The following PALS2 variants were observed in gnomAD, a reference collection of about 807,000 sequenced individuals.
PALS2 encodes the protein protein PALS2.
PALS2 carries 27 observed loss-of-function variants against 61.6 expected under a neutral mutation model. That is an observed-to-expected ratio of 0.44 (90% confidence interval 0.32 to 0.60). PALS2 has a LOEUF of 0.60. Among genes scored for constraint, PALS2 ranks in the 20% least tolerant of loss-of-function variants. The pLI is 0.05. For missense variants in PALS2, 554 were observed against 639.4 expected (o/e 0.87, Z 1.44); for synonymous variants, 236 against 218.6 (o/e 1.08, Z -0.70).
chr7:24,665,089 G>A (rs1786945516), intron 6 of PALS2, among the ~76,000 whole-genome samples: 11 of 152,136 alleles, frequency 7.2e-5, no homozygotes, highest in Admixed American at 7.2e-4. Flanking sequence ...ATTAGGTGAA[G>A]TTTCGCCTAG....
chr7:24,655,233 C>T (rs941739505), intron 5 of PALS2, among the ~76,000 whole-genome samples: 1 of 152,158 alleles, frequency 6.6e-6, no homozygotes, highest in Non-Finnish European at 1.5e-5. Context: ...TAGAGCAATT[C>T]TTACGTATGT....
chr7:24,596,968 G>A lies in PALS2; in HGVS notation c.-3+23375G>A, dbSNP rs182411999. ...AAGTAGAATGAAAAGATTTGAAGAA[G>A]AATTAGATGTCTGGAGGTTAGGGAG... On this transcript the variant is annotated intron_variant, in intron 1 of 11. Coordinates refer to ENST00000222644, the MANE Select transcript of PALS2 (RefSeq NM_001303037.2). The surrounding 1 kb of genome is among the most constrained non-coding windows in gnomAD (Gnocchi z 4.5). Among the ~76,000 whole-genome samples the A allele has an allele frequency of 3.3e-5, 5 of 152,214 alleles. No individual in the cohort carries two copies. The East Asian group carries it at 7.7e-4, about 24-fold the overall frequency.
intron 1 of PALS2, among the ~76,000 whole-genome samples, chr7:24,615,255 C>G (rs1784251899): frequency 6.6e-6 from 1 of 151,482 alleles, no homozygotes; most frequent in Non-Finnish European, 1.5e-5. Context: ...AAACCAAACT[C>G]AAAGGTAGTG....
intron 9 of PALS2, 40 bp from the exon 10 acceptor site, chr7:24,679,091 A>C (rs722218): frequency 0.55 from 869,558 of 1,583,822 alleles, 253,671 homozygotes; most frequent in East Asian, 0.99. Flanking sequence ...TTATGCCCTA[A>C]AATTTCTTTG....
intron 1 of PALS2, among the ~76,000 whole-genome samples, chr7:24,600,117 A>G (rs1243596274): frequency 2.0e-5 from 3 of 152,174 alleles, no homozygotes; most frequent in Non-Finnish European, 4.4e-5. Flanking sequence ...TTTTCATCAT[A>G]GATTTGCTTG....
chr7:24,687,361 T>C lies in PALS2; in HGVS notation c.1447-77T>C. On this transcript the variant is annotated intron_variant, in intron 11 of 11. Coordinates refer to ENST00000222644, the MANE Select transcript of PALS2 (RefSeq NM_001303037.2). The surrounding 1 kb of genome is among the most constrained non-coding windows in gnomAD (Gnocchi z 4.5). ...AGAAATATATCTAACCTATTTATTA[T>C]ATTCACTTCTAGTTGGAGTTTGAGC... 1 of 1,072,786 alleles carries C rather than the reference T, an allele frequency of 9.3e-7. No homozygotes were observed. 66.5% of individuals were successfully genotyped at this position (1,072,786 alleles called of 1,614,324 possible).
intron 5 of PALS2, among the ~76,000 whole-genome samples, chr7:24,659,199 A>T (rs139357930): frequency 6.6e-6 from 1 of 152,168 alleles, no homozygotes; most frequent in Admixed American, 6.5e-5. Flanking sequence ...TTATGGCTGC[A>T]TAGTATTCCA....
At chr7:24,588,337 C>T (rs1048308162) in intron 1 of PALS2, among the ~76,000 whole-genome samples, 1 of 152,154 alleles carries the variant, frequency 6.6e-6, no homozygotes, top group African/African-American at 2.4e-5. Flanking sequence ...TTCAATTAGA[C>T]AAATATTTCT....
intron 1 of PALS2, among the ~76,000 whole-genome samples, chr7:24,601,098 T>G (rs1285315723): frequency 6.6e-6 from 1 of 152,198 alleles, no homozygotes; most frequent in East Asian, 1.9e-4. Context: ...CTTATGTTGC[T>G]AATTCTTATT....
intron 1 of PALS2, among the ~76,000 whole-genome samples, chr7:24,584,982 G>A (rs1023172909): frequency 2.0e-5 from 3 of 151,486 alleles, no homozygotes; most frequent in South Asian, 2.1e-4. Context: ...TAGATATGTG[G>A]CATTATTTCT....
chr7:24,645,213 A>T (rs1417770668), intron 3 of PALS2, among the ~76,000 whole-genome samples: 1 of 151,968 alleles, frequency 6.6e-6, no homozygotes, highest in Non-Finnish European at 1.5e-5. Flanking sequence ...GACCATTCCT[A>T]TGGCCAGGAT....
chr7:24,599,505 CTTTTTTT>C (rs1159029178), intron 1 of PALS2, among the ~76,000 whole-genome samples: 2 of 116,612 alleles, frequency 1.7e-5, no homozygotes, highest in African/African-American at 6.9e-5. Flanking sequence ...CTTCTATAAG[CTTTTTTT>C]TTTTTTTTTT....
intron 9 of PALS2, among the ~76,000 whole-genome samples, chr7:24,678,902 TACTA>T (rs1421616994): frequency 2.0e-5 from 3 of 152,168 alleles, no homozygotes; most frequent in Non-Finnish European, 4.4e-5. Flanking sequence ...CTGTCACAAT[TACTA>T]CCACCATTTT....
chr7:24,631,355 G>A (rs1216934250), intron 2 of PALS2, among the ~76,000 whole-genome samples: 1 of 152,172 alleles, frequency 6.6e-6, no homozygotes, highest in African/African-American at 2.4e-5. Context: ...ACAAGAATTA[G>A]AAGTGGAACC....
intron 1 of PALS2, among the ~76,000 whole-genome samples, chr7:24,590,065 C>A (rs1783225226): frequency 6.6e-6 from 1 of 152,106 alleles, no homozygotes; most frequent in Non-Finnish European, 1.5e-5. Flanking sequence ...AAACATACAT[C>A]TTAGAAAGCA....
In PALS2 at chr7:24,584,778, G is replaced by A. The variant is rs1448781153; in HGVS notation, c.-3+11185G>A. ...ATGGTAATGCCTAGGTTTTCTTCTG[G>A]GGTTTTTATAGTTTTAGGTCTAACG... On this transcript the variant is annotated intron_variant, in intron 1 of 11. Transcript: ENST00000222644. 9.9e-5 allele frequency among the ~76,000 whole-genome samples: 15 copies of A among 151,804 alleles called. No individual in the cohort carries two copies. In the East Asian group the frequency reaches 2.9e-3, roughly 29 times the overall value.
At chr7:24,677,298 A>G (rs1458646335) in intron 9 of PALS2, among the ~76,000 whole-genome samples, 1 of 152,086 alleles carries the variant, frequency 6.6e-6, no homozygotes, top group Non-Finnish European at 1.5e-5. Flanking sequence ...TTCTAGATAT[A>G]CAATCACGTC....
chr7:24,600,734 TG>T (rs1189202319), intron 1 of PALS2, among the ~76,000 whole-genome samples: 1 of 152,204 alleles, frequency 6.6e-6, no homozygotes, highest in East Asian at 1.9e-4. Flanking sequence ...AATGTTTTAC[TG>T]AAATATATTT....
intron 1 of PALS2, among the ~76,000 whole-genome samples, chr7:24,595,437 AAATACAT>A (rs1470051653): frequency 7.1e-6 from 1 of 141,460 alleles, no homozygotes; most frequent in Non-Finnish European, 1.5e-5. Context: ...AAAATATATA[AAATACAT>A]AATATATAAT....
Sources: allele counts gnomAD v4.1 joint callset (sites outside exome capture counted in the v4.1 genomes callset), GRCh38; gene constraint gnomAD v4.1.1; non-coding constraint Gnocchi (gnomAD v3.1); transcripts MANE v1.5; gene names NCBI Gene and HGNC (gene_info 2026-07-23, HGNC 2026-07-21).